ARFIP1: variants seen among roughly 807,000 people sequenced by gnomAD.
ARFIP1 encodes arfaptin-1.
ARFIP1 carries 24 observed loss-of-function variants against 42.5 expected under a neutral mutation model. That is an observed-to-expected ratio of 0.57 (90% CI 0.41 to 0.80). The LOEUF (loss-of-function observed/expected upper bound fraction) is 0.80. Among genes scored for constraint, ARFIP1 ranks in the 30% least tolerant of loss-of-function variants. The probability of loss-of-function intolerance (pLI) is 0.00; values close to 1 mark genes in which losing one functional copy is unlikely to be tolerated. For missense variants in ARFIP1, 354 were observed against 434.0 expected, an observed-to-expected ratio of 0.82 and a Z score of 1.64; for synonymous variants, 141 against 153.7, an observed-to-expected ratio of 0.92 and a Z score of 0.61.
intron 5 of ARFIP1, among the ~76,000 whole-genome samples, chr4:152,874,351 A>G (rs1277860497): frequency 1.3e-5 from 2 of 152,198 alleles, no homozygotes; most frequent in African/African-American, 4.8e-5. Context: ...TTATTTTTAA[A>G]TGACAATTTT....
intron 1 of ARFIP1, among the ~76,000 whole-genome samples, chr4:152,821,689 C>CATCA (rs1463839697): frequency 6.6e-6 from 1 of 152,176 alleles, no homozygotes; most frequent in East Asian, 1.9e-4. Context: ...GGCATATAGT[C>CATCA]ATCAGGCTAT....
chr4:152,843,965 T>G (rs1411436597), intron 2 of ARFIP1, among the ~76,000 whole-genome samples: 1 of 152,184 alleles, frequency 6.6e-6, no homozygotes, highest in East Asian at 1.9e-4. Context: ...TGTTACAAAG[T>G]TCAGCTGGAG....
At chr4:152,861,947 A>G (rs1019471138) in intron 2 of ARFIP1, among the ~76,000 whole-genome samples, 2 of 152,116 alleles carry the variant, frequency 1.3e-5, no homozygotes, top group Admixed American at 1.3e-4. Flanking sequence ...ATACGGTGGT[A>G]TCTTATGATT....
intron 2 of ARFIP1, among the ~76,000 whole-genome samples, chr4:152,860,784 A>G (rs916986130): frequency 1.3e-5 from 2 of 152,196 alleles, no homozygotes; most frequent in African/African-American, 4.8e-5. Flanking sequence ...CCAAGCTGCA[A>G]AATTGGAGAT....
At chr4:152,840,395 G>T (rs1369010279) in intron 2 of ARFIP1, among the ~76,000 whole-genome samples, 1 of 152,038 alleles carries the variant, frequency 6.6e-6, no homozygotes, top group Non-Finnish European at 1.5e-5. Context: ...TCATTTCTTA[G>T]GTCTATTAGT....
At chr4:152,809,216 T>G (rs1321455813) in intron 1 of ARFIP1, among the ~76,000 whole-genome samples, 4 of 152,216 alleles carry the variant, frequency 2.6e-5, no homozygotes, top group Admixed American at 6.5e-5. Flanking sequence ...TGGTTCTACT[T>G]GGCTGCACAT....
At chr4:152,848,460 A>AT (rs1732734772) in intron 2 of ARFIP1, among the ~76,000 whole-genome samples, 1 of 152,174 alleles carries the variant, frequency 6.6e-6, no homozygotes, top group Non-Finnish European at 1.5e-5. Flanking sequence ...TGCATGTGGT[A>AT]TTTGGGTTTG....
chr4:152,801,649 C>T (rs983297441), intron 1 of ARFIP1, among the ~76,000 whole-genome samples: 10 of 152,078 alleles, frequency 6.6e-5, no homozygotes, highest in Non-Finnish European at 1.3e-4. Flanking sequence ...CAGACAGTAA[C>T]GTTTATAATC....
At chr4:152,872,891 T>C (rs1430285853) in intron 5 of ARFIP1, among the ~76,000 whole-genome samples, 1 of 152,198 alleles carries the variant, frequency 6.6e-6, no homozygotes, top group Non-Finnish European at 1.5e-5. Flanking sequence ...TTTGATACTT[T>C]ATAGGAGCTG....
intron 2 of ARFIP1, among the ~76,000 whole-genome samples, chr4:152,847,130 T>TTTTTTTTTTTTTTTTTTTTTTTTC (rs1732614201): frequency 9.3e-6 from 1 of 107,010 alleles, no homozygotes; most frequent in South Asian, 3.5e-4. Context: ...TGTTCTTTTT[T>TTTTTTTTTTTTTTTTTTTTTTTTC]TTTTTTTTTT....
chr4:152,882,837 A>G lies in ARFIP1; in HGVS notation c.748A>G (p.Ile250Val). The change falls in exon 7 of 9, where the codon ATT becomes GTT. Residue 250 changes from isoleucine to valine, a missense_variant. Physicochemically the swap from Ile to Val is conservative, Grantham distance 29. Transcript: ENST00000353617. ...ASVNTLVNKTIEDTLMTVKQY... is the reference protein window; with the variant it reads ...ASVNTLVNKTVEDTLMTVKQY... ...TGTGAACACTTTGGTGAATAAAACC[A>G]TTGAAGATACATTAATGACTGTGAA... The G allele has an allele frequency of 1.2e-6, 2 of 1,611,406 alleles. No individual in the cohort carries two copies. The highest frequency in any genetic ancestry group is 1.7e-6 in the Non-Finnish European group (2 of 1,178,944).
chr4:152,881,051 A>G lies in ARFIP1; in HGVS notation c.500A>G (p.Asp167Gly), dbSNP rs146568129. 1.8e-3 allele frequency: 2,879 copies of G among 1,613,816 alleles called. 4 individuals carry two copies. The highest frequency in any genetic ancestry group is 2.3e-3 in the Non-Finnish European group (2,757 of 1,179,762). Residue 167 changes from aspartate to glycine, a missense_variant, in exon 6 of 9, where the codon GAT becomes GGT. Transcript: ENST00000353617. ...ELEAQIDILR[D>G]NKKKYENILK... is the part of the protein sequence containing the mutation. ...GAAGCTCAGATTGATATATTAAGGG[A>G]TAACAAGAAAAAATATGAAAATATT...
intron 7 of ARFIP1, chr4:152,883,327 C>T (rs983731364): frequency 1.3e-5 from 2 of 158,500 alleles, no homozygotes; most frequent in African/African-American, 4.8e-5. Context: ...GTAGGTATTA[C>T]ATGGTCCTCT....
At chr4:152,906,065 T>A (rs1390293120) in intron 8 of ARFIP1, among the ~76,000 whole-genome samples, 6 of 152,206 alleles carry the variant, frequency 3.9e-5, no homozygotes, top group African/African-American at 1.4e-4. Context: ...TTCTCTTATG[T>A]TTTTTTCTAT....
intron 7 of ARFIP1, among the ~76,000 whole-genome samples, chr4:152,885,931 T>G (rs958978162): frequency 2.0e-5 from 3 of 152,024 alleles, no homozygotes; most frequent in Non-Finnish European, 2.9e-5. Flanking sequence ...GAAGTTTTTG[T>G]GGAGATTTTT....
chr4:152,804,417 A>C (rs1455449984), intron 1 of ARFIP1, among the ~76,000 whole-genome samples: 4 of 106,692 alleles, frequency 3.7e-5, no homozygotes, highest in Non-Finnish European at 6.9e-5. Flanking sequence ...AACATGTATT[A>C]TATATTATAT....
chr4:152,890,076 T>C (rs963244832), intron 8 of ARFIP1, among the ~76,000 whole-genome samples: 3 of 151,482 alleles, frequency 2.0e-5, no homozygotes, highest in Non-Finnish European at 2.9e-5. Flanking sequence ...TTCCACCCTA[T>C]CATCACTACA....
intron 2 of ARFIP1, among the ~76,000 whole-genome samples, chr4:152,838,420 C>A (rs1211595501): frequency 6.6e-6 from 1 of 152,098 alleles, no homozygotes; most frequent in South Asian, 2.1e-4. Flanking sequence ...GGATGTGTTT[C>A]CATTTGTTTG....
At chr4:152,854,416 A>C (rs571648435) in intron 2 of ARFIP1, among the ~76,000 whole-genome samples, 38 of 152,190 alleles carry the variant, frequency 2.5e-4, no homozygotes, top group African/African-American at 7.9e-4. Flanking sequence ...ATTCTCTTGT[A>C]TCTTCATCTT....
Sources: gnomAD v4.1 joint callset for allele counts (sites outside exome capture counted in the v4.1 genomes callset) on GRCh38, gnomAD v4.1.1 for gene constraint, MANE v1.5 for transcripts, NCBI Gene and HGNC (gene_info 2026-07-23, HGNC 2026-07-21) for gene names.